The following CCDC69 variants were observed in gnomAD, a reference collection of about 807,000 sequenced individuals.
CCDC69 encodes the protein coiled-coil domain-containing protein 69.
In CCDC69, 38 loss-of-function variants were observed where a neutral mutation model predicts 40.3. The ratio of observed to expected loss-of-function variants is 0.94; its 90% confidence interval spans 0.73 to 1.24. The LOEUF (loss-of-function observed/expected upper bound fraction) is 1.24. CCDC69 is among the 50% of genes most tolerant of loss of function. CCDC69 has a pLI of 0.00. For missense variants in CCDC69, 389 were observed against 357.9 expected (o/e 1.09, Z -0.70); for synonymous variants, 141 against 138.9 (o/e 1.02, Z -0.11).
Position 151,199,063 on chromosome 5 carries a change from C to T in CCDC69, c.253G>A (p.Glu85Lys). 2 of 1,614,064 alleles carry T rather than the reference C, an allele frequency of 1.2e-6. No homozygotes were observed. Among genetic ancestry groups the T allele is most frequent in the Middle Eastern group, 1.6e-4 (1 of 6,062 alleles). ...AQQVEKEREL[E>K]LRDRLDEQQR... is the part of the protein sequence containing the mutation. ...TGCTCATCCAGTCTGTCTCGAAGCT[C>T]TAGCTCCCTTTCCTTCTCCACCTGG... The change falls in exon 4 of 9, where the codon GAG becomes AAG. Residue 85 changes from glutamate to lysine, a missense_variant. Transcript: ENST00000355417.
intron 4 of CCDC69, 124 bp downstream of exon 4, chr5:151,198,873 G>T: frequency 1.3e-6 from 1 of 754,166 alleles, no homozygotes; most frequent in East Asian, 2.5e-5. Context: ...GTAGATTTGA[G>T]TCAATTGCTT....
chr5:151,220,124 C>T (rs1255400198), intron 1 of CCDC69, among the ~76,000 whole-genome samples: 1 of 152,184 alleles, frequency 6.6e-6, no homozygotes, highest in Non-Finnish European at 1.5e-5. Flanking sequence ...CTTCCAAGAA[C>T]ACTAATGTCC....
chr5:151,193,132 G>C (rs965459264), intron 4 of CCDC69, among the ~76,000 whole-genome samples: 41 of 152,154 alleles, frequency 2.7e-4, no homozygotes, highest in Admixed American at 2.2e-3. Flanking sequence ...GGTATCCAAA[G>C]TGGGTCCGAG....
At chr5:151,210,962 T>A (rs184990099) in intron 1 of CCDC69, 167 of 152,204 alleles carry the variant, frequency 1.1e-3, no homozygotes, top group African/African-American at 3.9e-3. Flanking sequence ...AGCAAGACTG[T>A]CTCAAGAAAA....
intron 3 of CCDC69, among the ~76,000 whole-genome samples, chr5:151,200,486 CAT>C (rs999418247): frequency 6.6e-6 from 1 of 152,212 alleles, no homozygotes; most frequent in Non-Finnish European, 1.5e-5. Flanking sequence ...TTACCCTGAA[CAT>C]ATTTCATATT....
At chr5:151,198,771 C>T in intron 4 of CCDC69, 1 of 435,056 alleles carries the variant, frequency 2.3e-6, no homozygotes, top group East Asian at 3.5e-5. Flanking sequence ...AAAAAAATAC[C>T]TCTCAAATAA....
chr5:151,219,851 C>G (rs1753110615), intron 1 of CCDC69, among the ~76,000 whole-genome samples: 1 of 152,014 alleles, frequency 6.6e-6, no homozygotes, highest in Admixed American at 6.6e-5. Flanking sequence ...TTTGCATCCC[C>G]TCTAATATTC....
In CCDC69 at chr5:151,186,233, T is replaced by G. The variant is rs968224782; in HGVS notation, c.394-109A>C. The G allele has an allele frequency of 1.7e-5, 13 of 768,492 alleles. No individual in the cohort carries two copies. In the African/African-American group the frequency reaches 2.2e-4, roughly 13 times the overall value. 47.6% of individuals were successfully genotyped at this position (768,492 alleles called of 1,614,324 possible). A position where few individuals can be genotyped will look rare whatever the true frequency, so the allele number is the denominator to read the frequency against. On this transcript the variant is annotated intron_variant, in intron 5 of 8. Coordinates refer to ENST00000355417, the MANE Select transcript of CCDC69 (RefSeq NM_015621.3). ...CGGTTTTGGGTTCTTCAATCTGTCT[T>G]TGGCTACTCTACATGACAATGCAAC...
chr5:151,204,224 G>A (rs1354209420), intron 2 of CCDC69, among the ~76,000 whole-genome samples: 2 of 151,952 alleles, frequency 1.3e-5, no homozygotes, highest in African/African-American at 2.4e-5. Flanking sequence ...TGGTAGAGAC[G>A]GGGTTTCACC....
chr5:151,188,530 G>A (rs894967336), intron 4 of CCDC69, among the ~76,000 whole-genome samples: 3 of 151,928 alleles, frequency 2.0e-5, no homozygotes, highest in South Asian at 2.1e-4. Context: ...GCTTCAACCC[G>A]GGAGGCAGAA....
chr5:151,210,556 A>G (rs181604277), intron 1 of CCDC69: 2 of 152,146 alleles, frequency 1.3e-5, no homozygotes, highest in Admixed American at 1.3e-4. Flanking sequence ...AAAATAAAAA[A>G]TTAAAATTAA....
chr5:151,185,547 C>G lies in CCDC69; in HGVS notation c.496-6G>C, dbSNP rs376349768. The G allele has an allele frequency of 1.0e-4, 166 of 1,613,760 alleles. No individual in the cohort carries two copies. The highest frequency in any genetic ancestry group is 1.3e-4 in the Non-Finnish European group (155 of 1,179,872). ...TGGCTGGGGCTCCCATAATCCTAGACAGGGACAGAGTGACCTCATTAGGCC... is the reference window on the plus strand; with the variant it reads ...TGGCTGGGGCTCCCATAATCCTAGAGAGGGACAGAGTGACCTCATTAGGCC... On this transcript the variant is annotated splice_region_variant and splice_polypyrimidine_tract_variant and intron_variant, in intron 6 of 8. Transcript: ENST00000355417.
intron 1 of CCDC69, among the ~76,000 whole-genome samples, chr5:151,220,797 C>G (rs376858836): frequency 5.4e-4 from 82 of 152,236 alleles, no homozygotes; most frequent in African/African-American, 1.9e-3. Context: ...TCCCCACCCC[C>G]CCTCCGCTTC....
In CCDC69 at chr5:151,186,024, T is replaced by G; in HGVS notation, c.494A>C (p.Gln165Pro). The G allele has an allele frequency of 6.2e-7, 1 of 1,612,074 alleles. No individual in the cohort carries two copies. Among genetic ancestry groups the G allele is most frequent in the Non-Finnish European group, 8.5e-7 (1 of 1,178,226 alleles). ...ILSRNYKKHI[Q>P]DYGSPSQFWE... The stretch of plus-strand genomic sequence containing the variant: ...AGCGCCCAGGGTGCTGCCACCTACC[T>G]GGATATGTTTCTTATAGTTTCGGCT... The change falls in exon 6 of 9, where the codon CAG (glutamine) becomes CCG (proline). Residue 165 changes from glutamine (Q) to proline (P), a missense_variant and splice_region_variant. Transcript: ENST00000355417.
Position 151,187,876 on chromosome 5 carries a change from C to G in CCDC69, c.320-417G>C, listed in dbSNP as rs533210433. 2.0e-5 allele frequency among the ~76,000 whole-genome samples: 3 copies of G among 152,320 alleles called. No homozygotes were observed. In the South Asian group the frequency reaches 6.2e-4, roughly 32 times the overall value. ...TTAGTTGTCAAACTAAAGCACAAAA[C>G]TGCAGTAAGTACATTGGATTTGTGG... On this transcript the variant is annotated intron_variant, in intron 4 of 8. Coordinates refer to ENST00000355417, the MANE Select transcript of CCDC69 (RefSeq NM_015621.3).
In CCDC69 at chr5:151,184,305, G is replaced by T. The variant is rs1766686435; in HGVS notation, c.713+39C>A. The T allele has an allele frequency of 2.6e-6, 4 of 1,513,630 alleles. No homozygotes were observed. In the South Asian group the frequency reaches 3.4e-5, roughly 13 times the overall value. The allele number at this position is 1,513,630 out of a possible 1,614,324, so 93.8% of individuals were successfully genotyped here. On this transcript the variant is annotated intron_variant, in intron 8 of 8. Coordinates refer to ENST00000355417, the MANE Select transcript of CCDC69 (RefSeq NM_015621.3). ...TCCCAGCTGGGAATTTTGGCAAAAA[G>T]GGTGGGGATGGGAGTAAAGGAGGCA...
At chr5:151,190,454 T>C (rs186941742) in intron 4 of CCDC69, among the ~76,000 whole-genome samples, 19 of 152,108 alleles carry the variant, frequency 1.2e-4, no homozygotes, top group Middle Eastern at 3.4e-3. Flanking sequence ...TCATCTGAGG[T>C]CAGGAGTTCC....
intron 1 of CCDC69, among the ~76,000 whole-genome samples, chr5:151,218,399 G>A (rs943475483): frequency 4.6e-5 from 7 of 152,346 alleles, no homozygotes; most frequent in African/African-American, 1.2e-4. Context: ...GCAGAGGACC[G>A]AGTGCCAGCC....
intron 1 of CCDC69, among the ~76,000 whole-genome samples, chr5:151,207,482 G>C (rs1752868942): frequency 6.6e-6 from 1 of 151,230 alleles, no homozygotes; most frequent in Admixed American, 6.6e-5. Flanking sequence ...TAGTAGAGAT[G>C]GAGTTTCACC....
Sources: allele counts gnomAD v4.1 joint callset (sites outside exome capture counted in the v4.1 genomes callset), GRCh38; gene constraint gnomAD v4.1.1; transcripts MANE v1.5; gene names NCBI Gene and HGNC (gene_info 2026-07-23, HGNC 2026-07-21).